TAOK3: variants seen among roughly 807,000 people sequenced by gnomAD.
The protein encoded by TAOK3 is TAO kinase 3, also known as serine/threonine-protein kinase TAO3.
In TAOK3, 40 loss-of-function variants were observed where a neutral mutation model predicts 120.4. That is an observed-to-expected ratio of 0.33 (90% CI 0.26 to 0.43). TAOK3 has a LOEUF of 0.43. Ranked by LOEUF, TAOK3 falls within the 20% of genes least tolerant of loss-of-function variation. The pLI is 1.00. For missense variants in TAOK3, 821 were observed against 1,112.1 expected, an observed-to-expected ratio of 0.74 and a Z score of 3.72; for synonymous variants, 355 against 387.5, an observed-to-expected ratio of 0.92 and a Z score of 0.99.
At chr12:118,190,879 T>C (rs2037396503) in intron 13 of TAOK3, among the ~76,000 whole-genome samples, 1 of 152,206 alleles carries the variant, frequency 6.6e-6, no homozygotes, top group South Asian at 2.1e-4. Context: ...TAGTGGTCAG[T>C]CATTAAGTGG....
At chr12:118,158,869 A>G (rs1047133493) in intron 19 of TAOK3, among the ~76,000 whole-genome samples, 3 of 152,198 alleles carry the variant, frequency 2.0e-5, no homozygotes, top group Admixed American at 6.5e-5. Context: ...TACTCTTGCC[A>G]TAGCAATTAC....
At chr12:118,244,989 A>T in intron 3 of TAOK3, 24 bp from the exon 4 acceptor site, 1 of 1,525,392 alleles carries the variant, frequency 6.6e-7, no homozygotes, top group African/African-American at 1.4e-5. Context: ...GTAGAAGAAA[A>T]AGAAAAAGAA....
chr12:118,317,265 C>CAA (rs970730677), intron 1 of TAOK3, among the ~76,000 whole-genome samples: 10,097 of 63,486 alleles, frequency 0.16, 652 homozygotes, highest in Middle Eastern at 0.25. Context: ...AAGTTTGTCT[C>CAA]AAAAAAAAAA....
chr12:118,235,808 C>A lies in TAOK3; in HGVS notation c.438-137G>T, dbSNP rs937824974. The A allele has an allele frequency of 1.8e-5, 11 of 600,536 alleles. No individual in the cohort carries two copies. In the Middle Eastern group the frequency reaches 1.4e-3, roughly 74 times the overall value. The allele number at this position is 600,536 out of a possible 1,614,324, so 37.2% of individuals were successfully genotyped here. A position where few individuals can be genotyped will look rare whatever the true frequency, so the allele number is the denominator to read the frequency against. On this transcript the variant is annotated intron_variant, in intron 7 of 20. Coordinates refer to ENST00000392533, the MANE Select transcript of TAOK3 (RefSeq NM_016281.4). Reference sequence around the variant, plus strand: ...AACAAAACAAACCTTGCTCAGATAGCCAGAAGGAGATTTAGTAATTACTGC... The same window carrying A: ...AACAAAACAAACCTTGCTCAGATAGACAGAAGGAGATTTAGTAATTACTGC...
At chr12:118,267,463 C>G (rs2041500678) in intron 1 of TAOK3, among the ~76,000 whole-genome samples, 1 of 151,550 alleles carries the variant, frequency 6.6e-6, no homozygotes, top group South Asian at 2.1e-4. Context: ...GATCCACCCA[C>G]CTTGGCCTCC....
At chr12:118,212,009 C>T (rs16948185) in intron 11 of TAOK3, among the ~76,000 whole-genome samples, 2,201 of 152,284 alleles carry the variant, frequency 0.014, 34 homozygotes, top group Middle Eastern at 0.061. Flanking sequence ...AGCTCTTTGT[C>T]CTGTTGCTTC....
intron 17 of TAOK3, among the ~76,000 whole-genome samples, chr12:118,167,749 C>T (rs1173031161): frequency 6.6e-6 from 1 of 151,114 alleles, no homozygotes. Context: ...GGCATAAGCA[C>T]ATGACCCAAT....
In TAOK3 at chr12:118,278,846, G is replaced by A. The variant is rs548109543; in HGVS notation, c.-193-12087C>T. Reference sequence around the variant, plus strand: ...TTTTGAGATGCTGTCTTGCTCTGTCGCCCAGGCTGGAGTGCAGTGGTGCGG... The same window carrying A: ...TTTTGAGATGCTGTCTTGCTCTGTCACCCAGGCTGGAGTGCAGTGGTGCGG... On this transcript the variant is annotated intron_variant, in intron 1 of 20. Transcript: ENST00000392533. 1.8e-4 allele frequency among the ~76,000 whole-genome samples: 28 copies of A among 151,956 alleles called. No individual in the cohort carries two copies. In the East Asian group the frequency reaches 1.9e-3, roughly 11 times the overall value.
intron 1 of TAOK3, among the ~76,000 whole-genome samples, chr12:118,350,983 AC>A (rs1202636244): frequency 6.6e-6 from 1 of 151,534 alleles, no homozygotes; most frequent in African/African-American, 2.4e-5. Flanking sequence ...CTTTGAGACC[AC>A]CCTGGCCAAC....
rs754646079 is a variant in TAOK3 at position 118,172,449 on chromosome 12, A to C, written c.1899+8T>G. On this transcript the variant is annotated splice_region_variant and intron_variant, in intron 17 of 20. Transcript: ENST00000392533. The stretch of plus-strand genomic sequence containing the variant: ...GTCAATGACAATAGTTACGAGCGTA[A>C]TAAATACCTCCCGAATGTTCTGCTG... The C allele has an allele frequency of 6.2e-7, 1 of 1,614,068 alleles. No individual in the cohort carries two copies. Among genetic ancestry groups the C allele is most frequent in the Non-Finnish European group, 8.5e-7 (1 of 1,179,918 alleles).
intron 13 of TAOK3, 98 bp from the exon 14 acceptor site, chr12:118,190,039 T>C: frequency 2.0e-6 from 3 of 1,502,248 alleles, no homozygotes; most frequent in South Asian, 2.4e-5. Flanking sequence ...CACTGCTGTT[T>C]GAAATGCATA....
At chr12:118,204,256 A>G (rs79272047) in intron 11 of TAOK3, among the ~76,000 whole-genome samples, 6 of 114,638 alleles carry the variant, frequency 5.2e-5, no homozygotes, top group Admixed American at 1.7e-4. Context: ...GACAGAATGG[A>G]AAAAAAAAAA....
intron 13 of TAOK3, chr12:118,190,684 C>T (rs1429253481): frequency 6.6e-6 from 1 of 152,196 alleles, no homozygotes; most frequent in African/African-American, 2.4e-5. Flanking sequence ...AATTTAATGT[C>T]CTTGACTGAT....
intron 2 of TAOK3, among the ~76,000 whole-genome samples, chr12:118,265,466 A>C (rs1323229879): frequency 6.6e-6 from 1 of 152,048 alleles, no homozygotes; most frequent in African/African-American, 2.4e-5. Context: ...ACTTACCTAC[A>C]AACTCAAAAG....
Position 118,371,700 on chromosome 12 carries a change from C to A in TAOK3, c.-194+948G>T, listed in dbSNP as rs1303295470. On this transcript the variant is annotated intron_variant, in intron 1 of 20. Coordinates refer to ENST00000392533, the MANE Select transcript of TAOK3 (RefSeq NM_016281.4). The surrounding 1 kb of genome is among the most constrained non-coding windows in gnomAD (Gnocchi z 5.5). ...GCAGCCGTTCTTGGGGGGGCTCCCG[C>A]AACTCAGCGGGCGCGACCCCCCGCC... Among the ~76,000 whole-genome samples the A allele has an allele frequency of 6.6e-6, 1 of 152,092 alleles. No individual in the cohort carries two copies. The highest frequency in any genetic ancestry group is 2.4e-5 in the African/African-American group (1 of 41,430).
chr12:118,320,372 C>T (rs1280008905), intron 1 of TAOK3, among the ~76,000 whole-genome samples: 2 of 151,896 alleles, frequency 1.3e-5, no homozygotes, highest in Non-Finnish European at 2.9e-5. Context: ...GGGAGGATCG[C>T]TTGAGCCCCA....
intron 1 of TAOK3, among the ~76,000 whole-genome samples, chr12:118,305,508 A>G (rs373431483): frequency 1.3e-5 from 2 of 152,014 alleles, no homozygotes; most frequent in Non-Finnish European, 2.9e-5. Context: ...AACTTAATCC[A>G]CTACTACTAA....
chr12:118,159,311 AC>A (rs1350335277), intron 19 of TAOK3, among the ~76,000 whole-genome samples: 1 of 98,462 alleles, frequency 1.0e-5, no homozygotes. Flanking sequence ...CAAATCACTC[AC>A]TTTTTTTTTT....
At chr12:118,220,807 G>A (rs567577189) in intron 9 of TAOK3, among the ~76,000 whole-genome samples, 15 of 152,214 alleles carry the variant, frequency 9.9e-5, no homozygotes, top group African/African-American at 3.6e-4. Flanking sequence ...AATTTTAATA[G>A]AGAAGCACAT....
Sources: allele counts gnomAD v4.1 joint callset (sites outside exome capture counted in the v4.1 genomes callset), GRCh38; gene constraint gnomAD v4.1.1; non-coding constraint Gnocchi (gnomAD v3.1); transcripts MANE v1.5; gene names NCBI Gene and HGNC (gene_info 2026-07-23, HGNC 2026-07-21).